SLC24A2: variants seen among roughly 807,000 people sequenced by gnomAD.
The protein encoded by SLC24A2 is sodium/potassium/calcium exchanger 2.
SLC24A2 carries 36 observed loss-of-function variants against 62.0 expected under a neutral mutation model. The observed-to-expected ratio is 0.58, with a 90% CI of 0.44 to 0.77. SLC24A2 has a LOEUF of 0.77. SLC24A2 is among the 30% of genes least tolerant of loss of function. SLC24A2 has a pLI of 0.00. For synonymous variants in SLC24A2, 358 were observed against 294.0 expected (o/e 1.22, Z -2.23); for missense variants, 846 against 817.9 (o/e 1.03, Z -0.42).
chr9:20,043,299 G>T, the SLC24A2 span, among the ~76,000 whole-genome samples: 3 of 152,222 alleles, frequency 2.0e-5, no homozygotes, highest in East Asian at 5.8e-4. Flanking sequence ...GATATACAGA[G>T]TGATGAATGT....
chr9:19,768,829 T>A (rs1314253467), intron 2 of SLC24A2, among the ~76,000 whole-genome samples: 1 of 152,198 alleles, frequency 6.6e-6, no homozygotes, highest in Non-Finnish European at 1.5e-5. Context: ...TTCTCCAGTC[T>A]TCTTCCTTCC....
At chr9:19,547,931 T>A (rs1834664101) in intron 8 of SLC24A2, among the ~76,000 whole-genome samples, 1 of 151,666 alleles carries the variant, frequency 6.6e-6, no homozygotes, top group South Asian at 2.1e-4. Flanking sequence ...GCTATTTGGT[T>A]GTGGGTTTTC....
intron 5 of SLC24A2, among the ~76,000 whole-genome samples, chr9:19,583,082 C>G (rs1836256386): frequency 2.0e-5 from 3 of 152,128 alleles, no homozygotes; most frequent in African/African-American, 7.2e-5. Context: ...TGCAGTGGGT[C>G]CCTAGGTCAA....
chr9:20,154,917 C>T, the SLC24A2 span, among the ~76,000 whole-genome samples: 79 of 151,584 alleles, frequency 5.2e-4, no homozygotes, highest in African/African-American at 1.8e-3. Flanking sequence ...GGGAATGGGG[C>T]AAGTAAGGCC....
At chr9:20,044,108 C>G in the SLC24A2 span, among the ~76,000 whole-genome samples, 1 of 145,842 alleles carries the variant, frequency 6.9e-6, no homozygotes, top group African/African-American at 2.5e-5. Context: ...CTTAGATGAT[C>G]ACTAGCACTT....
At chr9:20,148,961 C>G in the SLC24A2 span, among the ~76,000 whole-genome samples, 1 of 152,038 alleles carries the variant, frequency 6.6e-6, no homozygotes, top group African/African-American at 2.4e-5. Flanking sequence ...CAGCAATAAG[C>G]TGGGAAAGTA....
chr9:19,903,392 C>G, the SLC24A2 span, among the ~76,000 whole-genome samples: 233 of 152,252 alleles, frequency 1.5e-3, 4 homozygotes, highest in East Asian at 0.038. Context: ...TCCCATCATG[C>G]GTGCTTCACA....
intron 7 of SLC24A2, among the ~76,000 whole-genome samples, chr9:19,568,489 C>T (rs1811759361): frequency 1.3e-5 from 2 of 152,232 alleles, no homozygotes; most frequent in Non-Finnish European, 1.5e-5. Flanking sequence ...CTAATAATAG[C>T]ATACACCTAA....
chr9:19,872,803 T>C, the SLC24A2 span, among the ~76,000 whole-genome samples: 1 of 152,206 alleles, frequency 6.6e-6, no homozygotes, highest in African/African-American at 2.4e-5. Flanking sequence ...CTGGGTCTTC[T>C]TGTAAAAATA....
chr9:20,008,583 G>T, the SLC24A2 span, among the ~76,000 whole-genome samples: 1 of 152,088 alleles, frequency 6.6e-6, no homozygotes, highest in East Asian at 1.9e-4. Context: ...CTGTACTGGT[G>T]CCCTGGAGAA....
At chr9:20,253,060 G>T in the SLC24A2 span, among the ~76,000 whole-genome samples, 1 of 152,206 alleles carries the variant, frequency 6.6e-6, no homozygotes, top group Non-Finnish European at 1.5e-5. Flanking sequence ...ACCCACTTTT[G>T]TTGCCTATCC....
chr9:20,119,964 A>T, the SLC24A2 span, among the ~76,000 whole-genome samples: 1 of 152,152 alleles, frequency 6.6e-6, no homozygotes, highest in African/African-American at 2.4e-5. Context: ...TAGAAGTGTG[A>T]CACAAGTCTC....
the SLC24A2 span, among the ~76,000 whole-genome samples, chr9:20,268,542 C>T: frequency 6.6e-6 from 1 of 152,178 alleles, no homozygotes; most frequent in Non-Finnish European, 1.5e-5. Flanking sequence ...TCAGCTCCCT[C>T]ACCATGTGCT....
At chr9:19,972,542 C>T in the SLC24A2 span, among the ~76,000 whole-genome samples, 2 of 152,038 alleles carry the variant, frequency 1.3e-5, no homozygotes, top group African/African-American at 2.4e-5. Flanking sequence ...GATTCCTGGA[C>T]GTGTGGCAGG....
the SLC24A2 span, among the ~76,000 whole-genome samples, chr9:20,088,611 C>T: frequency 1.3e-5 from 2 of 152,316 alleles, no homozygotes; most frequent in African/African-American, 4.8e-5. Context: ...GTTTTGCATC[C>T]TTAGCTGTTG....
the SLC24A2 span, among the ~76,000 whole-genome samples, chr9:20,081,248 A>G: frequency 6.6e-6 from 1 of 152,028 alleles, no homozygotes; most frequent in East Asian, 1.9e-4. Flanking sequence ...ACAATGATAG[A>G]CTGGATTAAG....
chr9:19,903,951 T>A, the SLC24A2 span, among the ~76,000 whole-genome samples: 1 of 152,080 alleles, frequency 6.6e-6, no homozygotes, highest in Non-Finnish European at 1.5e-5. Context: ...GCACAAAGAT[T>A]TTGTAACTAA....
chr9:20,302,372 G>T, the SLC24A2 span, among the ~76,000 whole-genome samples: 23 of 152,294 alleles, frequency 1.5e-4, no homozygotes, highest in Admixed American at 6.5e-4. Context: ...AGCTCCTGTT[G>T]CTTCCCATCC....
intron 2 of SLC24A2, among the ~76,000 whole-genome samples, chr9:19,694,581 A>G (rs930321646): frequency 1.3e-5 from 2 of 152,244 alleles, no homozygotes; most frequent in African/African-American, 4.8e-5. Context: ...TATTAGGTAT[A>G]ATATGCATCA....
Sources: allele counts gnomAD v4.1 joint callset (sites outside exome capture counted in the v4.1 genomes callset), GRCh38; gene constraint gnomAD v4.1.1; transcripts MANE v1.5; gene names NCBI Gene and HGNC (gene_info 2026-07-23, HGNC 2026-07-21).